ELOVL7: variants seen among roughly 807,000 people sequenced by gnomAD.
ELOVL7 encodes ELOVL fatty acid elongase 7.
A neutral mutation model predicts 35.7 loss-of-function variants in ELOVL7; 27 were observed. That is an observed-to-expected ratio of 0.76 (90% CI 0.56 to 1.04). The LOEUF (loss-of-function observed/expected upper bound fraction) is 1.04, where lower values mean the gene tolerates loss of function less well. Among genes scored for constraint, ELOVL7 ranks in the 50% least tolerant of loss-of-function variants. The probability of loss-of-function intolerance (pLI) is 0.00; values close to 1 mark genes in which losing one functional copy is unlikely to be tolerated. For synonymous variants in ELOVL7, 113 were observed against 114.6 expected (o/e 0.99, Z 0.09); for missense variants, 327 against 340.8 (o/e 0.96, Z 0.32).
chr5:60,781,873 G>A (rs914507881), intron 3 of ELOVL7, among the ~76,000 whole-genome samples: 25 of 152,270 alleles, frequency 1.6e-4, no homozygotes, highest in African/African-American at 5.5e-4. Context: ...GGCATTAAAA[G>A]GCATGTATTT....
intron 1 of ELOVL7, among the ~76,000 whole-genome samples, chr5:60,815,681 C>A (rs1239687627): frequency 6.6e-6 from 1 of 152,100 alleles, no homozygotes; most frequent in Non-Finnish European, 1.5e-5. Flanking sequence ...AATTCTCCTG[C>A]CTCAGCTTCA....
chr5:60,826,723 T>C (rs1545710), intron 1 of ELOVL7, among the ~76,000 whole-genome samples: 191 of 152,288 alleles, frequency 1.3e-3, no homozygotes, highest in Non-Finnish European at 2.2e-3. Context: ...AACAACAACA[T>C]TGGAATGTTT....
At position 60,764,233 on chromosome 5, in the gene ELOVL7, C is replaced by G; in HGVS notation, c.493G>C (p.Ala165Pro). The G allele has an allele frequency of 6.2e-7, 1 of 1,610,246 alleles. No homozygotes were observed. The highest frequency in any genetic ancestry group is 8.5e-7 in the Non-Finnish European group (1 of 1,177,190). Residue 165 changes from alanine to proline, a missense_variant, in exon 7 of 9, where the codon GCT (alanine) becomes CCT (proline). Ala to Pro is a conservative substitution (Grantham distance 27, BLOSUM62 -1). Coordinates refer to ENST00000508821, the MANE Select transcript of ELOVL7 (RefSeq NM_024930.3). ...CCAAATTTCCCTTGTCTACCTGCAG[C>G]AAATTTGACTCCAAACCACCAGGTC... ...PWTWWFGVKF[A>P]AGGLGTFHAL...
intron 2 of ELOVL7, among the ~76,000 whole-genome samples, chr5:60,787,783 A>C (rs932682158): frequency 2.6e-5 from 4 of 152,254 alleles, no homozygotes; most frequent in Admixed American, 6.5e-5. Context: ...GCAAAGCTAA[A>C]GCAGAAACCC....
intron 5 of ELOVL7, among the ~76,000 whole-genome samples, chr5:60,767,340 C>T (rs1199180439): frequency 1.3e-5 from 2 of 152,126 alleles, no homozygotes; most frequent in East Asian, 1.9e-4. Context: ...GCAATCCACC[C>T]GCCTCAGCCT....
intron 6 of ELOVL7, 148 bp from the exon 7 acceptor site, chr5:60,764,480 A>C: frequency 3.2e-6 from 2 of 622,414 alleles, no homozygotes; most frequent in South Asian, 4.8e-5. Context: ...GAAGCAGCTA[A>C]TTCCCCAAGG....
intron 1 of ELOVL7, among the ~76,000 whole-genome samples, chr5:60,824,272 TA>T (rs1746044353): frequency 2.0e-5 from 3 of 152,134 alleles, no homozygotes; most frequent in Non-Finnish European, 4.4e-5. Context: ...TACAGTGCTG[TA>T]AAGGTTATCA....
chr5:60,790,537 T>A (rs545991899), intron 2 of ELOVL7, among the ~76,000 whole-genome samples: 17 of 152,366 alleles, frequency 1.1e-4, no homozygotes, highest in Admixed American at 7.2e-4. Context: ...CATGTCAGCA[T>A]GGCCTCTGTA....
chr5:60,756,766 T>C (rs1217356484), intron 8 of ELOVL7, among the ~76,000 whole-genome samples: 3 of 152,158 alleles, frequency 2.0e-5, no homozygotes, highest in African/African-American at 7.2e-5. Flanking sequence ...CTCATTGGTG[T>C]TACTGGCAGA....
chr5:60,790,399 T>C (rs1743865196), intron 2 of ELOVL7, among the ~76,000 whole-genome samples: 1 of 152,166 alleles, frequency 6.6e-6, no homozygotes, highest in South Asian at 2.1e-4. Context: ...AGCTGTACCT[T>C]TACTGGAACA....
At chr5:60,764,084 G>A in intron 7 of ELOVL7, 143 bp downstream of exon 7, 1 of 664,338 alleles carries the variant, frequency 1.5e-6, no homozygotes. Context: ...TATTTTTCAA[G>A]TAATAATTAA....
intron 8 of ELOVL7, among the ~76,000 whole-genome samples, chr5:60,756,772 G>C (rs1347051360): frequency 6.6e-6 from 1 of 152,060 alleles, no homozygotes; most frequent in African/African-American, 2.4e-5. Flanking sequence ...GGTGTTACTG[G>C]CAGAATATGA....
At chr5:60,811,154 T>C (rs1745216863) in intron 1 of ELOVL7, among the ~76,000 whole-genome samples, 1 of 152,152 alleles carries the variant, frequency 6.6e-6, no homozygotes, top group African/African-American at 2.4e-5. Context: ...GTGTTTTCAT[T>C]AAGGTCAGTT....
chr5:60,787,822 C>T (rs1036638297), intron 2 of ELOVL7, among the ~76,000 whole-genome samples: 1 of 152,180 alleles, frequency 6.6e-6, no homozygotes, highest in African/African-American at 2.4e-5. Context: ...GATACACAAA[C>T]TTTCAGAGAA....
At chr5:60,815,574 T>G (rs983089165) in intron 1 of ELOVL7, among the ~76,000 whole-genome samples, 5 of 149,972 alleles carry the variant, frequency 3.3e-5, no homozygotes, top group Non-Finnish European at 5.9e-5. Context: ...TAAAATTTAT[T>G]TATTTTTTTT....
At chr5:60,826,635 C>G (rs1746187627) in intron 1 of ELOVL7, among the ~76,000 whole-genome samples, 1 of 152,190 alleles carries the variant, frequency 6.6e-6, no homozygotes, top group Non-Finnish European at 1.5e-5. Context: ...CTGTTTGTTA[C>G]TAGCATTCCT....
intron 1 of ELOVL7, among the ~76,000 whole-genome samples, chr5:60,827,162 G>T (rs1746215555): frequency 6.6e-6 from 1 of 152,094 alleles, no homozygotes; most frequent in Non-Finnish European, 1.5e-5. Flanking sequence ...TAGACAAATT[G>T]ATTTAATGCA....
At chr5:60,824,441 A>G (rs1746055851) in intron 1 of ELOVL7, among the ~76,000 whole-genome samples, 1 of 152,238 alleles carries the variant, frequency 6.6e-6, no homozygotes, top group Non-Finnish European at 1.5e-5. Flanking sequence ...AAGAAGACTA[A>G]GAAAGGCAGA....
chr5:60,802,074 A>G (rs868852643), intron 1 of ELOVL7, among the ~76,000 whole-genome samples: 3 of 5,716 alleles, frequency 5.2e-4, no homozygotes, highest in African/African-American at 2.1e-3. Flanking sequence ...ATATATATAT[A>G]TATATATATA....
Sources: gnomAD v4.1 joint callset for allele counts (sites outside exome capture counted in the v4.1 genomes callset) on GRCh38, gnomAD v4.1.1 for gene constraint, MANE v1.5 for transcripts, NCBI Gene and HGNC (gene_info 2026-07-23, HGNC 2026-07-21) for gene names.